The following DTNA variants were observed in gnomAD, a reference collection of about 807,000 sequenced individuals.
DTNA encodes the protein dystrobrevin alpha.
Under a neutral mutation model 100.7 loss-of-function variants are expected in DTNA, and 43 were observed. The ratio of observed to expected loss-of-function variants is 0.43; its 90% CI spans 0.33 to 0.55. The LOEUF (loss-of-function observed/expected upper bound fraction) is 0.55, where lower values mean the gene tolerates loss of function less well. Ranked by LOEUF, DTNA falls within the 20% of genes least tolerant of loss-of-function variation. The probability of loss-of-function intolerance (pLI) is 0.04; values close to 1 mark genes in which losing one functional copy is unlikely to be tolerated. For synonymous variants in DTNA, 349 were observed against 347.9 expected, an observed-to-expected ratio of 1.00 and a Z score of -0.04; for missense variants, 798 against 953.9, an observed-to-expected ratio of 0.84 and a Z score of 2.15.
At chr18:34,595,028 G>A (rs779354984) in intron 1 of DTNA, among the ~76,000 whole-genome samples, 3 of 152,194 alleles carry the variant, frequency 2.0e-5, no homozygotes, top group Non-Finnish European at 4.4e-5. Flanking sequence ...TTAACCTTGG[G>A]TAATACTTAT....
intron 3 of DTNA, among the ~76,000 whole-genome samples, chr18:34,788,686 T>TA (rs2094595849): frequency 1.3e-5 from 2 of 152,208 alleles, no homozygotes; most frequent in South Asian, 4.1e-4. Context: ...AAAATCAACT[T>TA]AAACTCCACT....
intron 13 of DTNA, among the ~76,000 whole-genome samples, chr18:34,839,948 A>G (rs1187372947): frequency 1.3e-5 from 2 of 152,074 alleles, no homozygotes; most frequent in African/African-American, 2.4e-5. Flanking sequence ...CCTTGCCCTC[A>G]CCACTTGATG....
intron 4 of DTNA, among the ~76,000 whole-genome samples, chr18:34,801,622 T>C (rs977903833): frequency 1.3e-5 from 2 of 151,730 alleles, no homozygotes; most frequent in Non-Finnish European, 2.9e-5. Flanking sequence ...GCAATTCCCC[T>C]GCCTCAGCCT....
intron 1 of DTNA, among the ~76,000 whole-genome samples, chr18:34,517,765 C>CGTA (rs2041791664): frequency 1.3e-5 from 2 of 151,504 alleles, no homozygotes; most frequent in South Asian, 4.2e-4. Context: ...GCCACCTTAC[C>CGTA]CCCTGTGTCC....
At chr18:34,757,711 C>A (rs920921218) in intron 2 of DTNA, among the ~76,000 whole-genome samples, 25 of 152,144 alleles carry the variant, frequency 1.6e-4, no homozygotes, top group Non-Finnish European at 3.7e-4. Flanking sequence ...AATAAGACAA[C>A]TCTAAGTTTT....
chr18:34,617,633 C>T (rs2055580511), intron 1 of DTNA, among the ~76,000 whole-genome samples: 1 of 152,128 alleles, frequency 6.6e-6, no homozygotes, highest in Non-Finnish European at 1.5e-5. Flanking sequence ...TGATGCTGGT[C>T]TCACAGAATG....
chr18:34,738,946 T>A (rs375022591), intron 1 of DTNA, among the ~76,000 whole-genome samples: 31 of 152,282 alleles, frequency 2.0e-4, no homozygotes, highest in African/African-American at 6.7e-4. Context: ...AGAGGGTATA[T>A]GTGCAGGTTT....
intron 1 of DTNA, among the ~76,000 whole-genome samples, chr18:34,517,820 A>G (rs1480014458): frequency 6.6e-6 from 1 of 152,132 alleles, no homozygotes; most frequent in Non-Finnish European, 1.5e-5. Flanking sequence ...CAAGGTATGG[A>G]TATACCACAT....
rs79413149 is a variant in DTNA at position 34,542,728 on chromosome 18, A to G, written c.-2+49214A>G. Among the ~76,000 whole-genome samples, 12 of 152,160 alleles carry G rather than the reference A, an allele frequency of 7.9e-5. No homozygotes were observed. The East Asian group carries it at 2.3e-3, about 30-fold the overall frequency. ...AGTGGAGATGTCACTTGGTGTTGCC[A>G]GGCTTTGGGGTTTTATATACCTGTA... On this transcript the variant is annotated intron_variant, in intron 1 of 19. Coordinates refer to the DTNA transcript ENST00000283365.
chr18:34,529,106 A>G (rs1014105042), intron 1 of DTNA, among the ~76,000 whole-genome samples: 1 of 152,130 alleles, frequency 6.6e-6, no homozygotes, highest in African/African-American at 2.4e-5. Flanking sequence ...CAACATGAGG[A>G]AAAGACGTAA....
At position 34,579,401 on chromosome 18, in the gene DTNA, T is replaced by G. The variant is rs2118854; in HGVS notation, c.-2+85887T>G. 5.8e-3 allele frequency among the ~76,000 whole-genome samples: 886 copies of G among 152,318 alleles called. 12 individuals carry two copies. Among genetic ancestry groups the G allele is most frequent in the African/African-American group, 0.02 (839 of 41,574 alleles). On this transcript the variant is annotated intron_variant, in intron 1 of 19. Coordinates refer to the DTNA transcript ENST00000283365. ...TTAGTCATTTATCCACTCTAATAAT[T>G]TTCAGTTCTCCTTGTAGATTCAGGC...
rs191137071 is a variant in DTNA at position 34,854,587 on chromosome 18, A to G, written c.1532+2659A>G. Among the ~76,000 whole-genome samples the G allele has an allele frequency of 2.6e-5, 4 of 152,330 alleles. No homozygotes were observed. In the East Asian group the frequency reaches 7.7e-4, roughly 29 times the overall value. On this transcript the variant is annotated intron_variant, in intron 15 of 22. Coordinates refer to ENST00000444659, the MANE Select transcript of DTNA (RefSeq NM_001386795.1). ...TTGAGGCCTTAATGAACTATGCCAG[A>G]GTTGAGGCCATTTTCTGAAGAAGGA...
intron 1 of DTNA, among the ~76,000 whole-genome samples, chr18:34,521,130 T>C (rs1222034789): frequency 6.6e-6 from 1 of 152,180 alleles, no homozygotes; most frequent in East Asian, 1.9e-4. Flanking sequence ...TCTTGATTAC[T>C]CCTTTTCCTG....
At chr18:34,515,922 C>G (rs1046243778) in intron 1 of DTNA, among the ~76,000 whole-genome samples, 1 of 152,068 alleles carries the variant, frequency 6.6e-6, no homozygotes, top group African/African-American at 2.4e-5. Context: ...CCCACCCTTT[C>G]ATTTAAGAGA....
intron 20 of DTNA, among the ~76,000 whole-genome samples, chr18:34,880,472 T>C (rs566617164): frequency 6.6e-6 from 1 of 152,112 alleles, no homozygotes; most frequent in Non-Finnish European, 1.5e-5. Flanking sequence ...TAAATGACCA[T>C]GGTTCATGGA....
Position 34,615,346 on chromosome 18 carries a change from A to T in DTNA, c.-2+121832A>T, listed in dbSNP as rs567720371. Reference sequence around the variant, plus strand: ...CACCTCCAACCAGGCCCCACCTCTCACTTTGGGGATTACATTTCAATGTGA... The same window carrying T: ...CACCTCCAACCAGGCCCCACCTCTCTCTTTGGGGATTACATTTCAATGTGA... On this transcript the variant is annotated intron_variant, in intron 1 of 19. Transcript: ENST00000283365. Among the ~76,000 whole-genome samples, 302 of 152,206 alleles carry T rather than the reference A, an allele frequency of 2.0e-3. 1 individual carries two copies. The highest frequency in any genetic ancestry group is 7.0e-3 in the African/African-American group (290 of 41,520).
intron 1 of DTNA, among the ~76,000 whole-genome samples, chr18:34,550,619 T>C (rs1038046641): frequency 2.6e-5 from 4 of 152,166 alleles, no homozygotes; most frequent in African/African-American, 9.6e-5. Context: ...CCAAATTAAA[T>C]GCATTGTCAA....
In DTNA at chr18:34,743,954, G is replaced by A. The variant is rs1056350051; in HGVS notation, c.-1-12022G>A. ...CCTTATCTCAAAAGACGCTTTCCTC[G>A]TGTGGCCTCTGGAGAATATCATCCA... is the stretch of plus-strand genomic sequence containing the variant. On this transcript the variant is annotated intron_variant, in intron 1 of 22. Coordinates refer to ENST00000444659, the MANE Select transcript of DTNA (RefSeq NM_001386795.1). Among the ~76,000 whole-genome samples the A allele has an allele frequency of 3.3e-5, 5 of 151,906 alleles. No individual in the cohort carries two copies. The South Asian group carries it at 8.3e-4, about 25-fold the overall frequency.
chr18:34,651,915 T>C (rs906966466), intron 1 of DTNA, among the ~76,000 whole-genome samples: 1 of 151,684 alleles, frequency 6.6e-6, no homozygotes, highest in African/African-American at 2.4e-5. Flanking sequence ...AATACAAAAA[T>C]TAGCTGGGCA....
Sources: gnomAD v4.1 joint callset for allele counts (sites outside exome capture counted in the v4.1 genomes callset) on GRCh38, gnomAD v4.1.1 for gene constraint, MANE v1.5 for transcripts, NCBI Gene and HGNC (gene_info 2026-07-23, HGNC 2026-07-21) for gene names.